Variants in CHLSN observed in about 807,000 individuals in gnomAD.
CHLSN encodes the protein protein cholesin.
the CHLSN span, chr7:983,363 A>G: frequency 1.3e-6 from 2 of 1,531,868 alleles, no homozygotes; most frequent in South Asian, 1.2e-5. Flanking sequence ...CGTCTGTCGC[A>G]ACAGGACCGG....
the CHLSN span, among the ~76,000 whole-genome samples, chr7:1,002,053 G>A: frequency 3.0e-5 from 4 of 134,608 alleles, no homozygotes; most frequent in Non-Finnish European, 6.4e-5. Flanking sequence ...GGAGTCCTGC[G>A]GGTGGGGAGT....
chr7:1,055,310 C>T, the CHLSN span: 2 of 471,072 alleles, frequency 4.2e-6, no homozygotes, highest in African/African-American at 2.0e-5. Flanking sequence ...GGGGCCCTCA[C>T]ACGCACGCGC....
the CHLSN span, among the ~76,000 whole-genome samples, chr7:999,623 G>A: frequency 6.6e-6 from 1 of 152,256 alleles, no homozygotes; most frequent in African/African-American, 2.4e-5. Context: ...GTGGCTGCAG[G>A]CTATGCCTGG....
the CHLSN span, chr7:984,570 T>A: frequency 6.4e-7 from 1 of 1,560,142 alleles, no homozygotes; most frequent in Non-Finnish European, 8.7e-7. Flanking sequence ...TCCAGCGAGG[T>A]GGAGGTCGGT....
chr7:982,160 G>A, the CHLSN span, among the ~76,000 whole-genome samples: 2 of 152,182 alleles, frequency 1.3e-5, no homozygotes, highest in South Asian at 2.1e-4. Flanking sequence ...CGCCGCAGCC[G>A]CCCAGCCCTG....
At chr7:1,099,910 G>A in the CHLSN span, among the ~76,000 whole-genome samples, 1 of 152,240 alleles carries the variant, frequency 6.6e-6, no homozygotes, top group South Asian at 2.1e-4. Context: ...ACTCAACCAC[G>A]GCAAACCCTG....
chr7:1,043,874 C>A, the CHLSN span: 1 of 152,276 alleles, frequency 6.6e-6, no homozygotes, highest in African/African-American at 2.4e-5. Flanking sequence ...CTGTGCAACC[C>A]ACATGCTTTG....
At chr7:1,074,427 C>G in the CHLSN span, 1 of 150,656 alleles carries the variant, frequency 6.6e-6, no homozygotes, top group Non-Finnish European at 1.5e-5. Context: ...ACTGCAATTT[C>G]CTCATCTACA....
chr7:1,123,762 G>A, the CHLSN span, among the ~76,000 whole-genome samples: 1 of 152,032 alleles, frequency 6.6e-6, no homozygotes, highest in Non-Finnish European at 1.5e-5. The surrounding 1 kb of genome is among the most constrained non-coding windows in gnomAD (Gnocchi z 4.4). Flanking sequence ...CCAGTAGCCC[G>A]GAAACTGGCC....
At chr7:1,041,276 C>G in the CHLSN span, among the ~76,000 whole-genome samples, 2 of 128,978 alleles carry the variant, frequency 1.6e-5, no homozygotes, top group South Asian at 2.5e-4. Context: ...GGAAGGGGAC[C>G]TGGGCTCCGC....
the CHLSN span, among the ~76,000 whole-genome samples, chr7:992,516 C>T: frequency 6.3e-4 from 96 of 152,370 alleles, no homozygotes; most frequent in Non-Finnish European, 1.0e-3. Context: ...GGAGCTGCCA[C>T]GCCACCGCTC....
chr7:1,009,754 G>A, the CHLSN span, among the ~76,000 whole-genome samples: 278 of 152,344 alleles, frequency 1.8e-3, 1 homozygote, highest in African/African-American at 6.4e-3. Flanking sequence ...CTCTGCTGCC[G>A]CCCCTGAAAG....
the CHLSN span, chr7:1,091,606 T>A: frequency 1.2e-6 from 1 of 817,702 alleles, no homozygotes; most frequent in Non-Finnish European, 2.0e-6. Flanking sequence ...GGGAGTTTCC[T>A]GTCTGACAAA....
the CHLSN span, among the ~76,000 whole-genome samples, chr7:993,572 T>G: frequency 6.6e-6 from 1 of 152,036 alleles, no homozygotes; most frequent in Non-Finnish European, 1.5e-5. Flanking sequence ...CCCAGGAGTT[T>G]GGGACCAGCC....
chr7:1,077,040 C>G, the CHLSN span, among the ~76,000 whole-genome samples: 2 of 152,260 alleles, frequency 1.3e-5, no homozygotes, highest in African/African-American at 4.8e-5. Context: ...GGCCAGATGC[C>G]AATGCTGGCT....
the CHLSN span, among the ~76,000 whole-genome samples, chr7:1,054,721 C>A: frequency 2.0e-5 from 3 of 152,342 alleles, no homozygotes; most frequent in Non-Finnish European, 4.4e-5. Flanking sequence ...GTTCCACCTG[C>A]AGGAGAGCCC....
the CHLSN span, chr7:1,092,419 G>A: frequency 1.9e-6 from 3 of 1,608,332 alleles, no homozygotes; most frequent in African/African-American, 1.3e-5. Flanking sequence ...CGCCATCATC[G>A]GCCTGTGCTA....
chr7:991,140 C>G, the CHLSN span, among the ~76,000 whole-genome samples: 3 of 152,236 alleles, frequency 2.0e-5, no homozygotes, highest in East Asian at 5.8e-4. Flanking sequence ...GAAACGCTGA[C>G]CCTGTCCCGC....
At chr7:997,435 T>C in the CHLSN span, 2 of 539,608 alleles carry the variant, frequency 3.7e-6, no homozygotes, top group South Asian at 2.7e-5. Context: ...AAGGAGGGTC[T>C]GGAGGAGGGA....
Sources: gnomAD v4.1 joint callset for allele counts (sites outside exome capture counted in the v4.1 genomes callset) on GRCh38, gnomAD v4.1.1 for gene constraint, Gnocchi (gnomAD v3.1) non-coding constraint, MANE v1.5 for transcripts, NCBI Gene and HGNC (gene_info 2026-07-23, HGNC 2026-07-21) for gene names.